Variants in MTMR12 observed in about 807,000 individuals in gnomAD.
The protein encoded by MTMR12 is myotubularin related protein 12.
MTMR12 carries 33 observed loss-of-function variants against 96.7 expected under a neutral mutation model. That is an observed-to-expected ratio of 0.34 (90% CI 0.26 to 0.46). The LOEUF is 0.46. Among genes scored for constraint, MTMR12 ranks in the 20% least tolerant of loss-of-function variants. The pLI, the probability that MTMR12 is intolerant of heterozygous loss-of-function variation, is 1.00. For synonymous variants in MTMR12, 298 were observed against 327.2 expected, an observed-to-expected ratio of 0.91 and a Z score of 0.96; for missense variants, 721 against 896.1, an observed-to-expected ratio of 0.80 and a Z score of 2.49.
chr5:32,268,158 CCAAT>C (rs1749681166), intron 6 of MTMR12, among the ~76,000 whole-genome samples: 1 of 151,958 alleles, frequency 6.6e-6, no homozygotes, highest in South Asian at 2.1e-4. Context: ...TAAAACGCAA[CCAAT>C]CAAACAATCC....
chr5:32,297,022 G>C (rs1750956293), intron 1 of MTMR12, among the ~76,000 whole-genome samples: 1 of 150,860 alleles, frequency 6.6e-6, no homozygotes, highest in African/African-American at 2.4e-5. Context: ...AGAATGGTGT[G>C]AACCTGGGAG....
chr5:32,297,258 A>G (rs930686305), intron 1 of MTMR12, among the ~76,000 whole-genome samples: 1 of 152,184 alleles, frequency 6.6e-6, no homozygotes, highest in African/African-American at 2.4e-5. Context: ...CATCATCCCA[A>G]AAGGAATATT....
chr5:32,280,203 T>C (rs1467897605), intron 1 of MTMR12, among the ~76,000 whole-genome samples: 3 of 152,210 alleles, frequency 2.0e-5, no homozygotes, highest in African/African-American at 4.8e-5. Context: ...CAGAAAGATC[T>C]TGAAAAGAAC....
In MTMR12 at chr5:32,281,894, C is replaced by T. The variant is rs542272007; in HGVS notation, c.82-5152G>A. 4.9e-4 allele frequency among the ~76,000 whole-genome samples: 66 copies of T among 135,238 alleles called. 1 individual carries two copies. The East Asian group carries it at 0.015, about 31-fold the overall frequency. The allele number at this position is 135,238 out of a possible 152,430, so 88.7% of individuals were successfully genotyped here. A position where few individuals can be genotyped will look rare whatever the true frequency, so the allele number is the denominator to read the frequency against. ...CAGCCTGGGAGACAGTGCGAGACTC[C>T]GTCTCAAAAAAAAAAAAAAGAGACC... On this transcript the variant is annotated intron_variant, in intron 1 of 15. Coordinates refer to ENST00000382142, the MANE Select transcript of MTMR12 (RefSeq NM_001040446.3).
chr5:32,282,455 AT>A (rs1323536357), intron 1 of MTMR12, among the ~76,000 whole-genome samples: 2 of 150,390 alleles, frequency 1.3e-5, no homozygotes, highest in South Asian at 2.1e-4. Context: ...AAATAAATAA[AT>A]AAATAAATAA....
chr5:32,268,692 G>A lies in MTMR12; in HGVS notation c.583+9C>T. ...CTTACCCTCAAATTAGAACCCAGAA[G>A]ATATTTACCTGTATTGTTTTGTGCA... On this transcript the variant is annotated intron_variant, in intron 6 of 15. Coordinates refer to ENST00000382142, the MANE Select transcript of MTMR12 (RefSeq NM_001040446.3). 6.2e-7 allele frequency: 1 copy of A among 1,608,766 alleles called. No individual in the cohort carries two copies. Among genetic ancestry groups the A allele is most frequent in the South Asian group, 1.1e-5 (1 of 90,952 alleles).
At chr5:32,268,115 G>C (rs759416545) in intron 6 of MTMR12, among the ~76,000 whole-genome samples, 3 of 152,154 alleles carry the variant, frequency 2.0e-5, no homozygotes, top group Non-Finnish European at 2.9e-5. Flanking sequence ...ACAGGCATGA[G>C]CAACTGTATC....
intron 15 of MTMR12, among the ~76,000 whole-genome samples, chr5:32,231,620 GA>G (rs1488250639): frequency 2.0e-5 from 3 of 152,032 alleles, no homozygotes; most frequent in Admixed American, 6.5e-5. Flanking sequence ...TTATTGTAAA[GA>G]AAATTATTTC....
At chr5:32,254,929 G>A (rs960740127) in intron 8 of MTMR12, among the ~76,000 whole-genome samples, 3 of 152,156 alleles carry the variant, frequency 2.0e-5, no homozygotes, top group Non-Finnish European at 2.9e-5. Flanking sequence ...GCAACACTTG[G>A]CTCATATTCC....
At chr5:32,281,284 A>T (rs936114381) in intron 1 of MTMR12, among the ~76,000 whole-genome samples, 2 of 147,724 alleles carry the variant, frequency 1.4e-5, no homozygotes, top group African/African-American at 5.0e-5. Flanking sequence ...CTGTTACATG[A>T]GACTAGTAAC....
intron 10 of MTMR12, among the ~76,000 whole-genome samples, chr5:32,245,403 T>C (rs1311294870): frequency 6.6e-6 from 1 of 152,228 alleles, no homozygotes. Flanking sequence ...TTAAGGTAGA[T>C]GCCTAATGAG....
intron 13 of MTMR12, 102 bp downstream of exon 13, chr5:32,238,899 C>T: frequency 7.8e-7 from 1 of 1,286,486 alleles, no homozygotes; most frequent in Non-Finnish European, 1.0e-6. Flanking sequence ...GTTTGGCTTA[C>T]ACTTTGCAAG....
intron 14 of MTMR12, 138 bp downstream of exon 14, chr5:32,234,824 C>T: frequency 1.3e-6 from 1 of 748,908 alleles, no homozygotes; most frequent in Non-Finnish European, 2.1e-6. Context: ...CCATGCTAAT[C>T]TTCTCTGTAT....
At chr5:32,230,444 A>G (rs1376800556) in intron 15 of MTMR12, 97 bp from the exon 16 acceptor site, 6 of 1,169,046 alleles carry the variant, frequency 5.1e-6, no homozygotes, top group Non-Finnish European at 7.2e-6. Flanking sequence ...TGCTTTAACA[A>G]GTTCCAAGAG....
chr5:32,312,926 G>A lies in MTMR12; in HGVS notation c.-88C>T. On this transcript the variant is annotated 5_prime_UTR_variant, in exon 1 of 16. Coordinates refer to ENST00000382142, the MANE Select transcript of MTMR12 (RefSeq NM_001040446.3). This position sits in a 1 kb window ranked among gnomAD's most constrained non-coding sequence, Gnocchi z 5.0. ...GCAGCAGCGGCGGCCACCAGCACTA[G>A]CGGCTGGGGCTCCGCCCATCCCCAA... 8.0e-7 allele frequency: 1 copy of A among 1,245,854 alleles called. No individual in the cohort carries two copies. The highest frequency in any genetic ancestry group is 1.1e-6 in the Non-Finnish European group (1 of 945,936). The allele number at this position is 1,245,854 out of a possible 1,614,324, so 77.2% of individuals were successfully genotyped here.
chr5:32,238,143 CA>C (rs746835069), intron 13 of MTMR12, among the ~76,000 whole-genome samples: 3,436 of 58,880 alleles, frequency 0.058, 55 homozygotes, highest in African/African-American at 0.17. Context: ...GACTCCGTCT[CA>C]AAAAAAAAAA....
chr5:32,242,471 C>T lies in MTMR12; in HGVS notation c.1101-344G>A, dbSNP rs987883985. On this transcript the variant is annotated intron_variant, in intron 11 of 15. Transcript: ENST00000382142. ...AAATCCATACCTGGAGAATGTGAGA[C>T]ATGTCCAGATTGCTTTACTTAAGGT... Among the ~76,000 whole-genome samples the T allele has an allele frequency of 6.6e-5, 10 of 152,294 alleles. No homozygotes were observed. In the South Asian group the frequency reaches 2.1e-3, roughly 32 times the overall value.
At position 32,247,867 on chromosome 5, in the gene MTMR12, G is replaced by A. The variant is rs2112019884; in HGVS notation, c.1021+135C>T. ...TGTGGTAATGGCAGCCAGACCCCTG[G>A]CTCCATGACATCACAGCCCTGGGCT... On this transcript the variant is annotated intron_variant, in intron 10 of 15. Transcript: ENST00000382142. 2.2e-6 allele frequency: 3 copies of A among 1,388,132 alleles called. No individual in the cohort carries two copies. In the East Asian group the frequency reaches 7.3e-5, roughly 34 times the overall value. The allele number at this position is 1,388,132 out of a possible 1,614,324, so 86.0% of individuals were successfully genotyped here.
Position 32,268,700 on chromosome 5 carries a change from C to T in MTMR12, c.583+1G>A. 1.2e-6 allele frequency: 2 copies of T among 1,611,236 alleles called. No homozygotes were observed. The highest frequency in any genetic ancestry group is 1.7e-6 in the Non-Finnish European group (2 of 1,177,464). On this transcript the variant is annotated splice_donor_variant, in intron 6 of 15. Transcript: ENST00000382142. LOFTEE classifies it high-confidence loss of function. ...CAAATTAGAACCCAGAAGATATTTA[C>T]CTGTATTGTTTTGTGCAGCAGTCGC... is the stretch of plus-strand genomic sequence containing the variant.
Sources: allele counts gnomAD v4.1 joint callset (sites outside exome capture counted in the v4.1 genomes callset), GRCh38; gene constraint gnomAD v4.1.1; non-coding constraint Gnocchi (gnomAD v3.1); transcripts MANE v1.5; gene names NCBI Gene and HGNC (gene_info 2026-07-23, HGNC 2026-07-21).